The following DLC1 variants were observed in gnomAD, a reference collection of about 807,000 sequenced individuals.
DLC1 encodes the protein DLC1 Rho GTPase activating protein.
In DLC1, 54 loss-of-function variants were observed where a neutral mutation model predicts 140.3. That is an observed-to-expected ratio of 0.38 (90% CI 0.31 to 0.48). The LOEUF (loss-of-function observed/expected upper bound fraction) is 0.48, where lower values mean the gene tolerates loss of function less well. Ranked by LOEUF, DLC1 falls within the 20% of genes least tolerant of loss-of-function variation. The pLI, the probability that DLC1 is intolerant of heterozygous loss-of-function variation, is 0.96. For synonymous variants in DLC1, 986 were observed against 728.1 expected (o/e 1.35, Z -5.70); for missense variants, 2,536 against 1,907.0 (o/e 1.33, Z -6.14).
intron 2 of DLC1, among the ~76,000 whole-genome samples, chr8:13,420,643 A>G (rs1479188703): frequency 3.3e-5 from 5 of 152,074 alleles, no homozygotes; most frequent in African/African-American, 1.2e-4. Context: ...CTTATGAGTG[A>G]GAACATGCAG....
At chr8:13,504,376 C>T (rs1436857682) in intron 1 of DLC1, among the ~76,000 whole-genome samples, 10 of 152,290 alleles carry the variant, frequency 6.6e-5, no homozygotes, top group African/African-American at 4.8e-5. Context: ...CCGCCTGCCT[C>T]GGCCTCCCAA....
chr8:13,406,207 A>G (rs1837555823), intron 2 of DLC1, among the ~76,000 whole-genome samples: 2 of 41,068 alleles, frequency 4.9e-5, no homozygotes, highest in Non-Finnish European at 1.2e-4. Flanking sequence ...TTCAGTGGAG[A>G]CAGGGTTTCA....
Position 13,410,780 on chromosome 8 carries a change from C to G in DLC1, c.1024-9161G>C, listed in dbSNP as rs186128499. Among the ~76,000 whole-genome samples the G allele has an allele frequency of 7.0e-3, 1,062 of 152,230 alleles. 14 individuals carry two copies. Among genetic ancestry groups the G allele is most frequent in the African/African-American group, 0.023 (936 of 41,548 alleles). ...TTTGTTATGTGTACTCTCTGTTTCC[C>G]CACTAGATCGTCAGCCCCACAAGGG... On this transcript the variant is annotated intron_variant, in intron 2 of 17. Transcript: ENST00000276297.
intron 6 of DLC1, among the ~76,000 whole-genome samples, chr8:13,113,708 T>C (rs1820305631): frequency 6.6e-6 from 1 of 152,230 alleles, no homozygotes; most frequent in African/African-American, 2.4e-5. Flanking sequence ...TGGTCCCCCT[T>C]TCCCCAAAGC....
Position 13,194,832 on chromosome 8 carries a change from A to T in DLC1, c.1349-79175T>A, listed in dbSNP as rs1037643694. 3.9e-5 allele frequency among the ~76,000 whole-genome samples: 6 copies of T among 151,998 alleles called. No individual in the cohort carries two copies. The South Asian group carries it at 1.0e-3, about 26-fold the overall frequency. The stretch of plus-strand genomic sequence containing the variant: ...AGACCAGCTTGGGCAACATAGAGAG[A>T]CCCCCATCTTTACAAAAATATAGGA... On this transcript the variant is annotated intron_variant, in intron 5 of 17. Transcript: ENST00000276297.
intron 2 of DLC1, among the ~76,000 whole-genome samples, chr8:13,410,518 G>A (rs778295773): frequency 2.3e-4 from 35 of 151,970 alleles, no homozygotes; most frequent in Non-Finnish European, 3.5e-4. Context: ...AAAGAAAAAC[G>A]CAAGACCACT....
At chr8:13,382,751 C>A (rs907137875) in intron 4 of DLC1, among the ~76,000 whole-genome samples, 1 of 152,206 alleles carries the variant, frequency 6.6e-6, no homozygotes, top group Non-Finnish European at 1.5e-5. Context: ...GATGATACTT[C>A]AGAGAACTAT....
chr8:13,431,279 C>T (rs79754667), intron 2 of DLC1, among the ~76,000 whole-genome samples: 14,066 of 151,526 alleles, frequency 0.093, 730 homozygotes, highest in South Asian at 0.16. Context: ...GTCAGGAGAT[C>T]GAGACCATCT....
chr8:13,382,094 A>C (rs922237000), intron 4 of DLC1, among the ~76,000 whole-genome samples: 4 of 152,174 alleles, frequency 2.6e-5, no homozygotes, highest in Non-Finnish European at 2.9e-5. Context: ...AAATTTAGCA[A>C]TATTGTTGTG....
chr8:13,481,492 T>G (rs535835781), intron 2 of DLC1, among the ~76,000 whole-genome samples: 3 of 152,010 alleles, frequency 2.0e-5, no homozygotes, highest in Non-Finnish European at 4.4e-5. Context: ...AATAAATAAC[T>G]GACATTCATA....
At chr8:13,486,961 C>A (rs1243400625) in intron 2 of DLC1, among the ~76,000 whole-genome samples, 1 of 152,174 alleles carries the variant, frequency 6.6e-6, no homozygotes, top group African/African-American at 2.4e-5. Flanking sequence ...TACTGGTCAG[C>A]TGTGATATTG....
intron 5 of DLC1, among the ~76,000 whole-genome samples, chr8:13,170,352 A>C (rs1825375815): frequency 6.6e-6 from 1 of 152,350 alleles, no homozygotes; most frequent in Non-Finnish European, 1.5e-5. Context: ...TTTCATAGCA[A>C]CTAGAAATTA....
chr8:13,121,069 T>A (rs1321061353), intron 5 of DLC1, among the ~76,000 whole-genome samples: 4 of 152,208 alleles, frequency 2.6e-5, no homozygotes, highest in Admixed American at 1.3e-4. Context: ...CAGGCTTCGA[T>A]GCAAATGGTA....
intron 4 of DLC1, among the ~76,000 whole-genome samples, chr8:13,383,436 C>T (rs1320950002): frequency 1.3e-5 from 2 of 152,174 alleles, no homozygotes; most frequent in African/African-American, 4.8e-5. Flanking sequence ...TGCAGCGTCT[C>T]ATCTGCACCT....
At chr8:13,208,276 G>A (rs1827770784) in intron 5 of DLC1, among the ~76,000 whole-genome samples, 1 of 152,076 alleles carries the variant, frequency 6.6e-6, no homozygotes, top group Non-Finnish European at 1.5e-5. Flanking sequence ...TATGGACATG[G>A]AAATAAATTG....
At chr8:13,442,510 A>C (rs1264548681) in intron 2 of DLC1, among the ~76,000 whole-genome samples, 1 of 152,246 alleles carries the variant, frequency 6.6e-6, no homozygotes, top group Non-Finnish European at 1.5e-5. Flanking sequence ...GTTTACAAGA[A>C]AAAATCAAAC....
chr8:13,322,404 C>G (rs1180101083), intron 4 of DLC1, among the ~76,000 whole-genome samples: 1 of 151,936 alleles, frequency 6.6e-6, no homozygotes, highest in Admixed American at 6.6e-5. Flanking sequence ...TTGTTTGTAC[C>G]CCCATAAACC....
chr8:13,457,559 C>G (rs1799453845), intron 2 of DLC1, among the ~76,000 whole-genome samples: 1 of 151,310 alleles, frequency 6.6e-6, no homozygotes, highest in South Asian at 2.1e-4. Flanking sequence ...TGCCTGTAGC[C>G]CGAGCTACTC....
rs371501364 is a variant in DLC1 at position 13,332,963 on chromosome 8, T to G, written c.1315-27661A>C. On this transcript the variant is annotated intron_variant, in intron 4 of 17. Transcript: ENST00000276297. ...AAAGGTTTAAAGAAAATAAAATTTATGTTTATCCTCCCTAAAGGCAGAGAA... is the reference window on the plus strand; with the variant it reads ...AAAGGTTTAAAGAAAATAAAATTTAGGTTTATCCTCCCTAAAGGCAGAGAA... Among the ~76,000 whole-genome samples the G allele has an allele frequency of 1.2e-4, 19 of 152,306 alleles. No individual in the cohort carries two copies. The East Asian group carries it at 3.3e-3, about 26-fold the overall frequency.
Sources: allele counts gnomAD v4.1 joint callset (sites outside exome capture counted in the v4.1 genomes callset), GRCh38; gene constraint gnomAD v4.1.1; transcripts MANE v1.5; gene names NCBI Gene and HGNC (gene_info 2026-07-23, HGNC 2026-07-21).